Variants in ECM1 observed in about 807,000 individuals in gnomAD.
The protein encoded by ECM1 is extracellular matrix protein 1, also known as secretory component p85.
A neutral mutation model predicts 57.9 loss-of-function variants in ECM1; 54 were observed. The ratio of observed to expected loss-of-function variants is 0.93; its 90% CI spans 0.75 to 1.17. The LOEUF is 1.17. Ranked by LOEUF, ECM1 falls within the 50% of genes most tolerant of loss-of-function variation. The pLI is 0.00. For missense variants in ECM1, 649 were observed against 688.1 expected (o/e 0.94, Z 0.64); for synonymous variants, 237 against 259.1 (o/e 0.91, Z 0.82).
chr1:150,510,122 G>A lies in ECM1; in HGVS notation c.325G>A (p.Glu109Lys), dbSNP rs1670398019. The change falls in exon 5 of 10, where the codon GAA (glutamate) becomes AAA (lysine). Residue 109 changes from glutamate (E) to lysine (K), a missense_variant. By Grantham distance (56) the Glu-to-Lys change is moderately conservative. Transcript: ENST00000369047. ...EKEVGPPLPQ[E>K]AVPLQKELPS... is the part of the protein sequence containing the mutation. ...TGCAGTGGGTCCCCCTCTCCCTCAG[G>A]AAGCTGTCCCCCTCCAAAAAGAGCT... 6.2e-7 allele frequency: 1 copy of A among 1,613,922 alleles called. No individual in the cohort carries two copies. The highest frequency in any genetic ancestry group is 1.7e-5 in the Admixed American group (1 of 59,996).
In ECM1 at chr1:150,511,159, C is replaced by T. The variant is rs1315207026; in HGVS notation, c.669C>T (p.Cys223=). 1.2e-6 allele frequency: 2 copies of T among 1,614,102 alleles called. No individual in the cohort carries two copies. The highest frequency in any genetic ancestry group is 2.7e-5 in the African/African-American group (2 of 74,924). The part of the protein sequence containing the change: ...LEIGYSRCCH[C]RSHTNRLECA... ...TTGGATATTCCCGCTGCTGCCACTG[C>T]CGCAGCCACACAAACCGCCTAGAGT... Residue 223 remains cysteine, a synonymous_variant, in exon 6 of 10, where the codon TGC becomes TGT. Coordinates refer to ENST00000369047, the MANE Select transcript of ECM1 (RefSeq NM_004425.4).
At chr1:150,511,921 C>A (rs377153450) in intron 7 of ECM1, 90 bp downstream of exon 7, 2 of 254,680 alleles carry the variant, frequency 7.9e-6, no homozygotes, top group South Asian at 7.4e-5. Flanking sequence ...ATCCATGTAC[C>A]CCCCCTGCTG....
chr1:150,510,791 C>G (rs753589213), intron 5 of ECM1, 85 bp from the exon 6 acceptor site: 33 of 1,396,854 alleles, frequency 2.4e-5, no homozygotes, highest in Non-Finnish European at 3.4e-5. Context: ...CTCCTCCACC[C>G]CAGATTCTTT....
In ECM1 at chr1:150,510,723, T is replaced by C. The variant is rs921665366; in HGVS notation, c.386-153T>C. 7.3e-6 allele frequency: 6 copies of C among 827,414 alleles called. No individual in the cohort carries two copies. The African/African-American group carries it at 8.4e-5, about 12-fold the overall frequency. The allele number at this position is 827,414 out of a possible 1,614,324, so 51.3% of individuals were successfully genotyped here. A position where few individuals can be genotyped will look rare whatever the true frequency, so the allele number is the denominator to read the frequency against. On this transcript the variant is annotated intron_variant, in intron 5 of 9. Coordinates refer to ENST00000369047, the MANE Select transcript of ECM1 (RefSeq NM_004425.4). ...GCTTCTCTTTTCCTTTCAGTTATTTTAAAAGGAAGAGCCACAAATTGTTCT... is the reference window on the plus strand; with the variant it reads ...GCTTCTCTTTTCCTTTCAGTTATTTCAAAAGGAAGAGCCACAAATTGTTCT...
intron 6 of ECM1, 123 bp downstream of exon 6, chr1:150,511,321 T>G: frequency 1.3e-6 from 2 of 1,580,766 alleles, no homozygotes. Context: ...GGCCCTACCC[T>G]GGGCCTCCCC....
In ECM1 at chr1:150,511,534, G is replaced by T. The variant is rs766938720; in HGVS notation, c.786G>T (p.Gln262His). ...GACCCCACTGGTGCTGCACGCGGCAGGGGGAGGCTCGGTTCTCCTGCTTCC... is the reference window on the plus strand; with the variant it reads ...GACCCCACTGGTGCTGCACGCGGCATGGGGAGGCTCGGTTCTCCTGCTTCC... ...KTRPHWCCTR[Q>H]GEARFSCFQE... The change falls in exon 7 of 10, where the codon CAG becomes CAT. Residue 262 changes from glutamine to histidine, a missense_variant. Gln to His is a conservative substitution (Grantham distance 24, BLOSUM62 0). Transcript: ENST00000369047. The T allele has an allele frequency of 3.7e-6, 6 of 1,614,172 alleles. No homozygotes were observed. In the South Asian group the frequency reaches 5.5e-5, roughly 15 times the overall value.
chr1:150,511,327 T>TC, intron 6 of ECM1, 129 bp downstream of exon 6: 1 of 1,586,348 alleles, frequency 6.3e-7, no homozygotes. Flanking sequence ...ACCCTGGGCC[T>TC]CCCCAATGTG....
In ECM1 at chr1:150,512,385, G is replaced by C. The variant is rs1560266779; in HGVS notation, c.1117G>C (p.Glu373Gln). 3 of 1,613,100 alleles carry C rather than the reference G, an allele frequency of 1.9e-6. No homozygotes were observed. Among genetic ancestry groups the C allele is most frequent in the East Asian group, 4.5e-5 (2 of 44,836 alleles). The change falls in exon 8 of 10, where the codon GAG (glutamate) becomes CAG (glutamine). Residue 373 changes from glutamate to glutamine, a missense_variant. By Grantham distance (29) the Glu-to-Gln change is conservative. Transcript: ENST00000369047. Reference protein sequence around the residue: ...EDTLDKYCDREYAVKTHHHLC... With the variant: ...EDTLDKYCDRQYAVKTHHHLC... ...TACCCTTGACAAATACTGTGACCGG[G>C]AGTATGCTGTGAAGACCCACCACCA...
In ECM1 at chr1:150,509,923, G is replaced by A. The variant is rs756437620; in HGVS notation, c.225G>A (p.Val75=). 1.2e-6 allele frequency: 2 copies of A among 1,613,928 alleles called. No individual in the cohort carries two copies. The highest frequency in any genetic ancestry group is 4.5e-5 in the East Asian group (2 of 44,886). Residue 75 remains valine, a splice_region_variant and synonymous_variant, in exon 4 of 10, where the codon GTG becomes GTA. Coordinates refer to ENST00000369047, the MANE Select transcript of ECM1 (RefSeq NM_004425.4). ...HGPPFEGQSQ[V]QPPPSQEATP... The stretch of plus-strand genomic sequence containing the variant: ...GCTCACACATTCCCCCTTCTATAGT[G>A]CAGCCCCCTCCCTCTCAGGAGGCCA...
At chr1:150,508,695 G>T (rs768725777) in intron 1 of ECM1, among the ~76,000 whole-genome samples, 1 of 152,096 alleles carries the variant, frequency 6.6e-6, no homozygotes, top group Non-Finnish European at 1.5e-5. Flanking sequence ...GAGTTGAGGG[G>T]TGTCCATCCA....
chr1:150,511,535 G>C lies in ECM1; in HGVS notation c.787G>C (p.Gly263Arg). The C allele has an allele frequency of 6.2e-7, 1 of 1,614,188 alleles. No homozygotes were observed. Among genetic ancestry groups the C allele is most frequent in the Non-Finnish European group, 8.5e-7 (1 of 1,180,030 alleles). ...TRPHWCCTRQ[G>R]EARFSCFQEE... ...ACCCCACTGGTGCTGCACGCGGCAG[G>C]GGGAGGCTCGGTTCTCCTGCTTCCA... The change falls in exon 7 of 10, where the codon GGG becomes CGG. Residue 263 changes from glycine (G) to arginine (R), a missense_variant. Transcript: ENST00000369047.
At position 150,510,881 on chromosome 1, in the gene ECM1, C is replaced by T. The variant is rs1670418632; in HGVS notation, c.391C>T (p.Pro131Ser). Residue 131 changes from proline to serine, a missense_variant, in exon 6 of 10, where the codon CCA (proline) becomes TCA (serine). Pro to Ser is a moderately conservative substitution (Grantham distance 74). Transcript: ENST00000369047. ...CACTGTTTTCCCCATTCCAGGAACG[C>T]CAGCTCCATTTGGGGACCAGAGCCA... ...QHPNEQKEGT[P>S]APFGDQSHPE... 1.2e-6 allele frequency: 2 copies of T among 1,614,022 alleles called. No individual in the cohort carries two copies. Among genetic ancestry groups the T allele is most frequent in the Non-Finnish European group, 1.7e-6 (2 of 1,180,016 alleles).
rs4970979 is a variant in ECM1 at position 150,511,364 on chromosome 1, C to T, written c.709-93C>T. 949,495 of 1,608,064 alleles carry T rather than the reference C, an allele frequency of 0.59. 285,018 individuals carry two copies. The highest frequency in any genetic ancestry group is 0.62 in the Non-Finnish European group (727,887 of 1,176,282). ...CAGGGGAGCAGAGGACAACCACTGTCTCTTCTTTATCTGCCTGCCCAGTGT... is the reference window on the plus strand; with the variant it reads ...CAGGGGAGCAGAGGACAACCACTGTTTCTTCTTTATCTGCCTGCCCAGTGT... On this transcript the variant is annotated intron_variant, in intron 6 of 9. Coordinates refer to ENST00000369047, the MANE Select transcript of ECM1 (RefSeq NM_004425.4).
rs748885769 is a variant in ECM1, at chr1:150,509,675, C to A, written c.136C>A (p.Pro46Thr). The change falls in exon 3 of 10, where the codon CCC (proline) becomes ACC (threonine). Residue 46 changes from proline (P) to threonine (T), a missense_variant. Pro to Thr is a conservative substitution (Grantham distance 38). Transcript: ENST00000369047. ...CTTGCTTCTAGTTGGCTACGCAGCT[C>A]CCCCCTCCCCACCCCTATCCCGAAG... ...EHFQEVGYAAPPSPPLSRSLP... is the reference protein window; with the variant it reads ...EHFQEVGYAATPSPPLSRSLP... The A allele has an allele frequency of 6.2e-7, 1 of 1,607,324 alleles. No homozygotes were observed. The highest frequency in any genetic ancestry group is 1.1e-5 in the South Asian group (1 of 90,906).
Position 150,513,347 on chromosome 1 carries a change from C to A in ECM1, c.1503C>A (p.Ile501=), listed in dbSNP as rs1431981008. 6.2e-7 allele frequency: 1 copy of A among 1,614,104 alleles called. No individual in the cohort carries two copies. The highest frequency in any genetic ancestry group is 1.7e-5 in the Admixed American group (1 of 60,006). The change falls in exon 10 of 10, where the codon ATC becomes ATA. Residue 501 remains isoleucine, a synonymous_variant. Coordinates refer to ENST00000369047, the MANE Select transcript of ECM1 (RefSeq NM_004425.4). The part of the protein sequence containing the change: ...PGDEQVNCFN[I]NYLRNVALVS... The stretch of plus-strand genomic sequence containing the variant: ...ATGAACAGGTCAACTGCTTCAACAT[C>A]AATTATCTGAGGAACGTGGCTCTAG...
At position 150,513,374 on chromosome 1, in the gene ECM1, G is replaced by A. The variant is rs376068180; in HGVS notation, c.1530G>A (p.Val510=). The change falls in exon 10 of 10, where the codon GTG becomes GTA. Residue 510 remains valine (V), a synonymous_variant. Coordinates refer to ENST00000369047, the MANE Select transcript of ECM1 (RefSeq NM_004425.4). ...NINYLRNVAL[V]SGDTENAKGQ... is the part of the protein sequence containing the mutation. ...ATTATCTGAGGAACGTGGCTCTAGTGTCTGGAGACACTGAGAACGCCAAGG... is the reference window on the plus strand; with the variant it reads ...ATTATCTGAGGAACGTGGCTCTAGTATCTGGAGACACTGAGAACGCCAAGG... 1.8e-5 allele frequency: 29 copies of A among 1,614,100 alleles called. No individual in the cohort carries two copies. The Admixed American group carries it at 3.7e-4, about 20-fold the overall frequency.
At chr1:150,513,145 G>A in intron 9 of ECM1, 92 bp from the exon 10 acceptor site, 2 of 1,347,444 alleles carry the variant, frequency 1.5e-6, no homozygotes, top group Non-Finnish European at 2.1e-6. Context: ...AGTAGAAGCT[G>A]ATGAAAGGGG....
rs1019587662 is a variant in ECM1, at chr1:150,509,997, A to G, written c.299A>G (p.Lys100Arg). 4 of 1,614,134 alleles carry G rather than the reference A, an allele frequency of 2.5e-6. No homozygotes were observed. The highest frequency in any genetic ancestry group is 3.4e-6 in the Non-Finnish European group (4 of 1,180,004). Residue 100 changes from lysine (K) to arginine (R), a missense_variant, in exon 4 of 10, where the codon AAG becomes AGG. Transcript: ENST00000369047. ...KLLPAQLPAE[K>R]EVGPPLPQEA... ...CTACCTGCCCAACTCCCTGCTGAAA[A>G]GGAAGGTGAGCGCTTGCCCACCCTC...
At position 150,511,174 on chromosome 1, in the gene ECM1, C is replaced by A. The variant is rs752993666; in HGVS notation, c.684C>A (p.Asn228Lys). 1 of 1,614,248 alleles carries A rather than the reference C, an allele frequency of 6.2e-7. No individual in the cohort carries two copies. The highest frequency in any genetic ancestry group is 8.5e-7 in the Non-Finnish European group (1 of 1,180,044). ...GCTGCCACTGCCGCAGCCACACAAA[C>A]CGCCTAGAGTGTGCCAAACTTGTGG... ...SRCCHCRSHTNRLECAKLVWE... is the reference protein window; with the variant it reads ...SRCCHCRSHTKRLECAKLVWE... Residue 228 changes from asparagine to lysine, a missense_variant, in exon 6 of 10, where the codon AAC becomes AAA. By Grantham distance (94) the Asn-to-Lys change is moderately conservative (BLOSUM62 0). Coordinates refer to ENST00000369047, the MANE Select transcript of ECM1 (RefSeq NM_004425.4).
Sources: gnomAD v4.1 joint callset for allele counts (sites outside exome capture counted in the v4.1 genomes callset) on GRCh38, gnomAD v4.1.1 for gene constraint, MANE v1.5 for transcripts, NCBI Gene and HGNC (gene_info 2026-07-23, HGNC 2026-07-21) for gene names.